Variants in ECHDC3 observed in about 807,000 individuals in gnomAD.
ECHDC3 encodes enoyl-CoA hydratase domain containing 3.
ECHDC3 carries 20 observed loss-of-function variants against 17.9 expected under a neutral mutation model. The ratio of observed to expected loss-of-function variants is 1.12; its 90% CI spans 0.79 to 1.63. The LOEUF is 1.63. Among genes scored for constraint, ECHDC3 ranks in the 40% most tolerant of loss-of-function variants. ECHDC3 has a pLI of 0.00. For synonymous variants in ECHDC3, 177 were observed against 149.7 expected (o/e 1.18, Z -1.33); for missense variants, 407 against 357.7 (o/e 1.14, Z -1.11).
At chr10:11,755,089 G>A (rs1201916741) in intron 3 of ECHDC3, among the ~76,000 whole-genome samples, 4 of 152,246 alleles carry the variant, frequency 2.6e-5, no homozygotes, top group African/African-American at 9.6e-5. Context: ...GGGAGGCCAA[G>A]GTGGGTGGAT....
intron 4 of ECHDC3, chr10:11,755,827 C>A: frequency 8.0e-6 from 4 of 497,378 alleles, no homozygotes; most frequent in Non-Finnish European, 1.4e-5. Context: ...TGACGCCAGG[C>A]GTCAATTTGT....
At chr10:11,744,468 G>T (rs1387479876) in intron 1 of ECHDC3, among the ~76,000 whole-genome samples, 2 of 152,166 alleles carry the variant, frequency 1.3e-5, no homozygotes, top group Non-Finnish European at 2.9e-5. Flanking sequence ...CTCACTTCAG[G>T]GACCTTCTCG....
At chr10:11,746,141 AACATGGTG>A (rs1835791139) in intron 1 of ECHDC3, among the ~76,000 whole-genome samples, 1 of 152,128 alleles carries the variant, frequency 6.6e-6, no homozygotes, top group Non-Finnish European at 1.5e-5. Flanking sequence ...CAGCCTGGCC[AACATGGTG>A]AAACCTCAGC....
In ECHDC3 at chr10:11,742,627, T is replaced by C. The variant is rs1433229268; in HGVS notation, c.51T>C (p.Cys17=). Residue 17 remains cysteine (C), a synonymous_variant, in exon 1 of 5, where the codon TGT becomes TGC. Transcript: ENST00000379215. Reference sequence around the variant, plus strand: ...CCTTCGGGGCAAGTGGGCCCATGTGTCTCCGGCGCGGCCCCTGGGCCCAGC... The same window carrying C: ...CCTTCGGGGCAAGTGGGCCCATGTGCCTCCGGCGCGGCCCCTGGGCCCAGC... ...LRAFGASGPM[C]LRRGPWAQLP... is the part of the protein sequence containing the mutation. 2 of 1,283,100 alleles carry C rather than the reference T, an allele frequency of 1.6e-6. No individual in the cohort carries two copies. Among genetic ancestry groups the C allele is most frequent in the East Asian group, 3.2e-5 (1 of 31,454 alleles). 79.5% of individuals were successfully genotyped at this position (1,283,100 alleles called of 1,614,324 possible).
At chr10:11,761,106 T>C (rs10752229) in intron 4 of ECHDC3, among the ~76,000 whole-genome samples, 101,480 of 152,168 alleles carry the variant, frequency 0.67, 34,325 homozygotes, top group Non-Finnish European at 0.71. Context: ...TCTCCACCCA[T>C]GGTGGCAGGA....
chr10:11,756,669 C>A (rs7915817), intron 4 of ECHDC3, among the ~76,000 whole-genome samples: 147,875 of 152,304 alleles, frequency 0.97, 71,962 homozygotes, highest in East Asian at 1. Context: ...ACAGTAGGTG[C>A]CGGCTGGCTA....
At chr10:11,744,807 G>T (rs1054766815) in intron 1 of ECHDC3, among the ~76,000 whole-genome samples, 2 of 152,198 alleles carry the variant, frequency 1.3e-5, no homozygotes, top group Non-Finnish European at 2.9e-5. Flanking sequence ...AGAGAGGAGA[G>T]GGCCAGGTTT....
intron 3 of ECHDC3, among the ~76,000 whole-genome samples, chr10:11,753,164 T>G (rs1397280696): frequency 6.6e-6 from 1 of 152,090 alleles, no homozygotes; most frequent in African/African-American, 2.4e-5. Flanking sequence ...GTGGATCAGT[T>G]GAGGTGAGGA....
intron 2 of ECHDC3, among the ~76,000 whole-genome samples, chr10:11,749,276 G>A (rs1305372348): frequency 2.6e-5 from 4 of 152,096 alleles, no homozygotes; most frequent in East Asian, 1.9e-4. Flanking sequence ...TTTAGGACAC[G>A]GAGGCACCTA....
intron 2 of ECHDC3, 110 bp downstream of exon 2, chr10:11,747,580 C>T (rs1832776586): frequency 2.3e-6 from 3 of 1,333,042 alleles, no homozygotes; most frequent in East Asian, 2.4e-5. Flanking sequence ...TTTTGAAGCT[C>T]CTTTACAAGA....
intron 4 of ECHDC3, among the ~76,000 whole-genome samples, chr10:11,762,256 T>G (rs116293265): frequency 6.6e-6 from 1 of 152,012 alleles, no homozygotes; most frequent in Admixed American, 6.5e-5. Context: ...ACCTCAGTGA[T>G]AGGGGATGCA....
At chr10:11,753,141 G>A (rs1461202453) in intron 3 of ECHDC3, among the ~76,000 whole-genome samples, 2 of 152,144 alleles carry the variant, frequency 1.3e-5, no homozygotes, top group African/African-American at 4.8e-5. Flanking sequence ...AGCGCTTTGG[G>A]AGGCCGAGGT....
Position 11,763,226 on chromosome 10 carries a change from G to A in ECHDC3, c.594G>A (p.Val198=), listed in dbSNP as rs759322101. 1.3e-6 allele frequency: 1 copy of A among 774,612 alleles called. No homozygotes were observed. The allele number at this position is 774,612 out of a possible 1,614,324, so 48.0% of individuals were successfully genotyped here. A position where few individuals can be genotyped will look rare whatever the true frequency, so the allele number is the denominator to read the frequency against. Residue 198 remains valine, a splice_region_variant and synonymous_variant, in exon 5 of 5, where the codon GTG becomes GTA. Transcript: ENST00000379215. This position sits in a 1 kb window ranked among gnomAD's most constrained non-coding sequence, Gnocchi z 4.9. The part of the protein sequence containing the change: ...VALARAVPRK[V]ALEMLFTGEP... ...TGACATCCCGTGTCTCCCCGTAGGT[G>A]GCCTTGGAGATGCTCTTTACTGGTG... is the stretch of plus-strand genomic sequence containing the variant.
intron 3 of ECHDC3, among the ~76,000 whole-genome samples, chr10:11,753,549 C>T (rs933117277): frequency 1.3e-5 from 2 of 152,072 alleles, no homozygotes; most frequent in African/African-American, 2.4e-5. Context: ...ACTTCAGTTC[C>T]TTGGGTGGTG....
chr10:11,745,264 CGGCGCACAAT>C (rs1554758448), intron 1 of ECHDC3, among the ~76,000 whole-genome samples: 1 of 152,088 alleles, frequency 6.6e-6, no homozygotes, highest in Non-Finnish European at 1.5e-5. Context: ...ACAGATTCCG[CGGCGCACAAT>C]GGCCTCGGGG....
rs780755389 is a variant in ECHDC3, at chr10:11,755,394, T to C, written c.391-14T>C. The C allele has an allele frequency of 3.8e-6, 6 of 1,599,162 alleles. No homozygotes were observed. Among genetic ancestry groups the C allele is most frequent in the Non-Finnish European group, 5.1e-6 (6 of 1,169,504 alleles). Reference sequence around the variant, plus strand: ...CCTCTGGGTGGAAATGAAGTAGGTGTGTTTGTCCCGCAGGTCATGATGCAC... The same window carrying C: ...CCTCTGGGTGGAAATGAAGTAGGTGCGTTTGTCCCGCAGGTCATGATGCAC... On this transcript the variant is annotated splice_polypyrimidine_tract_variant and intron_variant, in intron 3 of 4. Coordinates refer to ENST00000379215, the MANE Select transcript of ECHDC3 (RefSeq NM_024693.5).
intron 3 of ECHDC3, among the ~76,000 whole-genome samples, chr10:11,753,316 G>A (rs1412766519): frequency 6.6e-6 from 1 of 152,166 alleles, no homozygotes. Flanking sequence ...CCGGGAGGCG[G>A]AGGTTGCAGT....
intron 2 of ECHDC3, among the ~76,000 whole-genome samples, chr10:11,748,871 G>A (rs1317683071): frequency 1.3e-5 from 2 of 152,228 alleles, no homozygotes; most frequent in East Asian, 1.9e-4. Context: ...GGGCAACAGA[G>A]CAAGACTCTG....
At chr10:11,749,141 G>A (rs1255092074) in intron 2 of ECHDC3, among the ~76,000 whole-genome samples, 5 of 152,336 alleles carry the variant, frequency 3.3e-5, no homozygotes, top group African/African-American at 7.2e-5. Flanking sequence ...ATGAGCTTGT[G>A]TGACTCAATA....
Sources: allele counts gnomAD v4.1 joint callset (sites outside exome capture counted in the v4.1 genomes callset), GRCh38; gene constraint gnomAD v4.1.1; non-coding constraint Gnocchi (gnomAD v3.1); transcripts MANE v1.5; gene names NCBI Gene and HGNC (gene_info 2026-07-23, HGNC 2026-07-21).